SCHIP1: variants seen among roughly 807,000 people sequenced by gnomAD.
The protein encoded by SCHIP1 is schwannomin-interacting protein 1.
In SCHIP1, 8 loss-of-function variants were observed where a neutral mutation model predicts 29.7. That is an observed-to-expected ratio of 0.27 (90% CI 0.16 to 0.49). The LOEUF is 0.49. SCHIP1 is among the 20% of genes least tolerant of loss of function. The probability of loss-of-function intolerance (pLI) is 0.99; values close to 1 mark genes in which losing one functional copy is unlikely to be tolerated. For synonymous variants in SCHIP1, 76 were observed against 94.9 expected, an observed-to-expected ratio of 0.80 and a Z score of 1.16; for missense variants, 193 against 294.6, an observed-to-expected ratio of 0.66 and a Z score of 2.52.
At chr3:159,381,374 T>G in the SCHIP1 span, among the ~76,000 whole-genome samples, 1 of 152,182 alleles carries the variant, frequency 6.6e-6, no homozygotes, top group Admixed American at 6.5e-5. Context: ...TAAATCTTAT[T>G]TACAATAGAT....
At chr3:159,318,834 G>A in the SCHIP1 span, among the ~76,000 whole-genome samples, 1 of 152,166 alleles carries the variant, frequency 6.6e-6, no homozygotes, top group Non-Finnish European at 1.5e-5. Context: ...AAAGCACCCA[G>A]TTCATGATAG....
chr3:159,428,835 G>A, the SCHIP1 span, among the ~76,000 whole-genome samples: 3 of 152,088 alleles, frequency 2.0e-5, no homozygotes, highest in African/African-American at 4.8e-5. Context: ...AGAAAATGTG[G>A]CACATATACA....
At chr3:159,669,062 G>T in the SCHIP1 span, among the ~76,000 whole-genome samples, 1 of 152,188 alleles carries the variant, frequency 6.6e-6, no homozygotes, top group African/African-American at 2.4e-5. Context: ...GCTGCATGGG[G>T]TGTTTAGGAG....
chr3:159,531,631 A>T, the SCHIP1 span, among the ~76,000 whole-genome samples: 3 of 152,212 alleles, frequency 2.0e-5, no homozygotes, highest in Non-Finnish European at 4.4e-5. Flanking sequence ...ATGCAAAAGT[A>T]TGTAAGTCTA....
At chr3:159,389,285 A>G in the SCHIP1 span, among the ~76,000 whole-genome samples, 15 of 152,194 alleles carry the variant, frequency 9.9e-5, no homozygotes, top group African/African-American at 3.6e-4. Context: ...AATCCTCACA[A>G]AAATTTTATT....
At chr3:159,522,042 C>A in the SCHIP1 span, among the ~76,000 whole-genome samples, 1 of 152,166 alleles carries the variant, frequency 6.6e-6, no homozygotes, top group Non-Finnish European at 1.5e-5. Flanking sequence ...AAAATATATT[C>A]ATTTCATTAA....
the SCHIP1 span, among the ~76,000 whole-genome samples, chr3:159,562,971 G>A: frequency 6.6e-6 from 1 of 152,164 alleles, no homozygotes; most frequent in African/African-American, 2.4e-5. Context: ...TATAGGAAAG[G>A]ACAAATATTC....
At chr3:159,845,066 C>A (rs901293995) in intron 1 of SCHIP1, among the ~76,000 whole-genome samples, 1 of 152,216 alleles carries the variant, frequency 6.6e-6, no homozygotes, top group Non-Finnish European at 1.5e-5. Flanking sequence ...GCCTTCAAGG[C>A]CCGACATTTG....
the SCHIP1 span, among the ~76,000 whole-genome samples, chr3:159,791,398 A>T: frequency 6.6e-6 from 1 of 152,260 alleles, no homozygotes; most frequent in South Asian, 2.1e-4. Context: ...CCAAGACAAC[A>T]AAAGGGAAGA....
At chr3:159,528,874 A>G in the SCHIP1 span, among the ~76,000 whole-genome samples, 1 of 152,196 alleles carries the variant, frequency 6.6e-6, no homozygotes, top group South Asian at 2.1e-4. Flanking sequence ...AGAACCTGCA[A>G]TAAAAATCCT....
chr3:159,779,466 G>A, the SCHIP1 span, among the ~76,000 whole-genome samples: 1 of 151,360 alleles, frequency 6.6e-6, no homozygotes, highest in Non-Finnish European at 1.5e-5. Context: ...GTCAGGAGTT[G>A]GAGACCAGCC....
intron 2 of SCHIP1, among the ~76,000 whole-genome samples, chr3:159,882,984 T>A (rs949609687): frequency 2.6e-5 from 4 of 152,220 alleles, no homozygotes; most frequent in African/African-American, 7.2e-5. Flanking sequence ...TTTCCGGGCA[T>A]TCTCCGTCAA....
the SCHIP1 span, among the ~76,000 whole-genome samples, chr3:159,564,254 T>A: frequency 6.6e-6 from 1 of 152,192 alleles, no homozygotes; most frequent in African/African-American, 2.4e-5. Context: ...AAGTCCTAAG[T>A]GTACAGCTGG....
the SCHIP1 span, among the ~76,000 whole-genome samples, chr3:159,677,721 CT>C: frequency 6.6e-6 from 1 of 152,086 alleles, no homozygotes; most frequent in Non-Finnish European, 1.5e-5. Flanking sequence ...TGGGGGGATC[CT>C]TTTTTTCTAC....
At chr3:159,580,258 A>G in the SCHIP1 span, among the ~76,000 whole-genome samples, 7 of 152,184 alleles carry the variant, frequency 4.6e-5, no homozygotes. Flanking sequence ...GATTTGAGGA[A>G]TCTGCAGGGA....
the SCHIP1 span, among the ~76,000 whole-genome samples, chr3:159,421,189 GATATACTATATA>G: frequency 6.6e-6 from 1 of 152,044 alleles, no homozygotes; most frequent in Non-Finnish European, 1.5e-5. Context: ...GTCACCTTTT[GATATACTATATA>G]ATATACATAT....
At chr3:159,789,395 G>A in the SCHIP1 span, among the ~76,000 whole-genome samples, 32 of 152,238 alleles carry the variant, frequency 2.1e-4, no homozygotes, top group Admixed American at 1.9e-3. Flanking sequence ...TAATCACATC[G>A]AAAGCACACC....
chr3:159,321,569 TTTA>T, the SCHIP1 span, among the ~76,000 whole-genome samples: 5 of 152,002 alleles, frequency 3.3e-5, no homozygotes, highest in Non-Finnish European at 2.9e-5. Context: ...TTTTTAAAAT[TTTA>T]TTATTATTAT....
the SCHIP1 span, among the ~76,000 whole-genome samples, chr3:159,798,602 G>A: frequency 1.3e-5 from 2 of 151,784 alleles, no homozygotes; most frequent in Non-Finnish European, 2.9e-5. Context: ...TACTAAAAAT[G>A]CAAAAATTAG....
Sources: gnomAD v4.1 joint callset for allele counts (sites outside exome capture counted in the v4.1 genomes callset) on GRCh38, gnomAD v4.1.1 for gene constraint, MANE v1.5 for transcripts, NCBI Gene and HGNC (gene_info 2026-07-23, HGNC 2026-07-21) for gene names.